RBFOX1: variants seen among roughly 807,000 people sequenced by gnomAD.
The protein encoded by RBFOX1 is RNA binding protein fox-1 homolog 1.
In RBFOX1, 8 loss-of-function variants were observed where a neutral mutation model predicts 57.7. That is an observed-to-expected ratio of 0.14 (90% CI 0.08 to 0.25). The LOEUF is 0.25. Among genes scored for constraint, RBFOX1 ranks in the 10% least tolerant of loss-of-function variants. The pLI, the probability that RBFOX1 is intolerant of heterozygous loss-of-function variation, is 1.00. For synonymous variants in RBFOX1, 326 were observed against 222.4 expected (o/e 1.47, Z -4.15); for missense variants, 611 against 548.5 (o/e 1.11, Z -1.14).
intron 2 of RBFOX1, among the ~76,000 whole-genome samples, chr16:6,647,732 T>C (rs1465808138): frequency 6.6e-6 from 1 of 152,196 alleles, no homozygotes; most frequent in Non-Finnish European, 1.5e-5. Flanking sequence ...GGATGAGGTG[T>C]GATGTGTTGC....
intron 2 of RBFOX1, among the ~76,000 whole-genome samples, chr16:6,642,735 T>C (rs1352988084): frequency 1.3e-5 from 2 of 152,114 alleles, no homozygotes; most frequent in Admixed American, 1.3e-4. Flanking sequence ...GGGGATCGTT[T>C]TGTAGTTGTT....
intron 5 of RBFOX1, among the ~76,000 whole-genome samples, chr16:7,536,119 T>C (rs552617759): frequency 4.6e-5 from 7 of 152,342 alleles, no homozygotes; most frequent in South Asian, 4.1e-4. Context: ...ACACTGTTTC[T>C]TCCATCTGCA....
chr16:5,651,519 G>C (rs998013026), intron 3 of RBFOX1, among the ~76,000 whole-genome samples: 4 of 152,112 alleles, frequency 2.6e-5, no homozygotes, highest in Non-Finnish European at 4.4e-5. Flanking sequence ...TTTGGGACCT[G>C]GATCAGGTTT....
intron 4 of RBFOX1, among the ~76,000 whole-genome samples, chr16:7,381,818 G>C (rs74012510): frequency 0.016 from 2,463 of 152,200 alleles, 75 homozygotes; most frequent in African/African-American, 0.056. Context: ...CGCTGGGCTG[G>C]ATCATTCTCT....
At position 5,946,057 on chromosome 16, in the gene RBFOX1, G is replaced by A. The variant is rs1015607122; in HGVS notation, c.351+78722G>A. ...AGTCTGCTTTGTTTGCTAGTAAAGTGAGGGGGAGACAGGGTTTTAATTAGT... is the reference window on the plus strand; with the variant it reads ...AGTCTGCTTTGTTTGCTAGTAAAGTAAGGGGGAGACAGGGTTTTAATTAGT... On this transcript the variant is annotated intron_variant, in intron 4 of 19. Transcript: ENST00000641259. This position sits in a 1 kb window ranked among gnomAD's most constrained non-coding sequence, Gnocchi z 4.6. 6.6e-6 allele frequency among the ~76,000 whole-genome samples: 1 copy of A among 152,212 alleles called. No individual in the cohort carries two copies. Among genetic ancestry groups the A allele is most frequent in the Non-Finnish European group, 1.5e-5 (1 of 68,044 alleles).
At chr16:6,446,684 A>C (rs2094492671) in intron 2 of RBFOX1, among the ~76,000 whole-genome samples, 1 of 152,186 alleles carries the variant, frequency 6.6e-6, no homozygotes, top group African/African-American at 2.4e-5. Context: ...TTACTATTCT[A>C]ATTAATTTAA....
chr16:7,089,197 T>C (rs76563072), intron 4 of RBFOX1, among the ~76,000 whole-genome samples: 1,934 of 152,300 alleles, frequency 0.013, 37 homozygotes, highest in African/African-American at 0.044. Context: ...GAGTTTATTA[T>C]TATTTTGTCT....
At chr16:7,460,129 C>G (rs925685664) in intron 4 of RBFOX1, among the ~76,000 whole-genome samples, 1 of 151,722 alleles carries the variant, frequency 6.6e-6, no homozygotes, top group Admixed American at 6.6e-5. Flanking sequence ...TGCAATATTT[C>G]TCCTATGCTA....
chr16:7,042,045 A>G (rs966085703), intron 3 of RBFOX1, among the ~76,000 whole-genome samples: 5 of 152,152 alleles, frequency 3.3e-5, no homozygotes, highest in African/African-American at 1.2e-4. Flanking sequence ...TGGGGAGAAA[A>G]CTGGATCTAC....
chr16:6,931,034 C>G (rs1398101970), intron 3 of RBFOX1, among the ~76,000 whole-genome samples: 1 of 151,786 alleles, frequency 6.6e-6, no homozygotes, highest in Non-Finnish European at 1.5e-5. Context: ...ATGTAGAAAT[C>G]AGGTTTTGTT....
chr16:5,263,528 G>C (rs926092013), intron 1 of RBFOX1, among the ~76,000 whole-genome samples: 1 of 152,136 alleles, frequency 6.6e-6, no homozygotes, highest in South Asian at 2.1e-4. Context: ...GCACATACAT[G>C]GTGCAAAATA....
intron 2 of RBFOX1, among the ~76,000 whole-genome samples, chr16:6,526,047 T>A (rs552169706): frequency 1.1e-4 from 16 of 152,238 alleles, no homozygotes; most frequent in Middle Eastern, 6.8e-3. Context: ...TTGGAAATGG[T>A]GTTCTCATCA....
intron 3 of RBFOX1, among the ~76,000 whole-genome samples, chr16:5,652,011 A>G (rs759187705): frequency 4.6e-5 from 7 of 152,128 alleles, no homozygotes; most frequent in Non-Finnish European, 8.8e-5. Flanking sequence ...ACACATGCCT[A>G]TAGTCCCAGC....
chr16:7,533,522 A>G (rs775800476), intron 5 of RBFOX1, among the ~76,000 whole-genome samples: 9 of 152,234 alleles, frequency 5.9e-5, no homozygotes, highest in Non-Finnish European at 1.0e-4. Context: ...AATGCATTTA[A>G]TACACTTCCC....
intron 1 of RBFOX1, among the ~76,000 whole-genome samples, chr16:6,127,558 GT>G (rs1402485543): frequency 6.6e-6 from 1 of 152,150 alleles, no homozygotes; most frequent in Non-Finnish European, 1.5e-5. Flanking sequence ...TGAATTGCAG[GT>G]TAGGTGGTGG....
At chr16:6,973,321 G>A (rs1050600236) in intron 3 of RBFOX1, among the ~76,000 whole-genome samples, 5 of 152,086 alleles carry the variant, frequency 3.3e-5, no homozygotes, top group Non-Finnish European at 4.4e-5. Flanking sequence ...ATAAAGCTCA[G>A]CTTTGTTGTC....
At chr16:6,568,850 C>A (rs1168699423) in intron 2 of RBFOX1, among the ~76,000 whole-genome samples, 3 of 152,054 alleles carry the variant, frequency 2.0e-5, no homozygotes, top group Admixed American at 6.6e-5. Flanking sequence ...CTCACTGCAA[C>A]CTCCGCCTCC....
chr16:7,025,471 C>G (rs2040619119), intron 3 of RBFOX1, among the ~76,000 whole-genome samples: 1 of 152,136 alleles, frequency 6.6e-6, no homozygotes, highest in Non-Finnish European at 1.5e-5. Flanking sequence ...GGAATGCATC[C>G]TAGTAGGTCT....
At chr16:5,334,664 G>A (rs1049380516) in intron 1 of RBFOX1, among the ~76,000 whole-genome samples, 24 of 151,974 alleles carry the variant, frequency 1.6e-4, no homozygotes, top group African/African-American at 5.6e-4. Flanking sequence ...ATGTTCACAT[G>A]TGCACATATA....
Sources: allele counts gnomAD v4.1 joint callset (sites outside exome capture counted in the v4.1 genomes callset), GRCh38; gene constraint gnomAD v4.1.1; non-coding constraint Gnocchi (gnomAD v3.1); transcripts MANE v1.5; gene names NCBI Gene and HGNC (gene_info 2026-07-23, HGNC 2026-07-21).